The following CLIC5 variants were observed in gnomAD, a reference collection of about 807,000 sequenced individuals.
CLIC5 encodes chloride intracellular channel protein 5.
A neutral mutation model predicts 24.7 loss-of-function variants in CLIC5; 20 were observed. The observed-to-expected ratio is 0.81, with a 90% CI of 0.57 to 1.18. The LOEUF is 1.18. Among genes scored for constraint, CLIC5 ranks in the 50% most tolerant of loss-of-function variants. The probability of loss-of-function intolerance (pLI) is 0.00; values close to 1 mark genes in which losing one functional copy is unlikely to be tolerated. For synonymous variants in CLIC5, 159 were observed against 135.6 expected, an observed-to-expected ratio of 1.17 and a Z score of -1.20; for missense variants, 341 against 326.1, an observed-to-expected ratio of 1.05 and a Z score of -0.35.
the CLIC5 span, among the ~76,000 whole-genome samples, chr6:46,126,059 G>C: frequency 6.6e-6 from 1 of 152,080 alleles, no homozygotes; most frequent in Non-Finnish European, 1.5e-5. Flanking sequence ...TTGCTTTTCT[G>C]ATTTTAGGAT....
intron 1 of CLIC5, among the ~76,000 whole-genome samples, chr6:46,004,815 C>T (rs1250396541): frequency 1.3e-5 from 2 of 152,142 alleles, no homozygotes; most frequent in Non-Finnish European, 1.5e-5. Flanking sequence ...GTGGGGAAGC[C>T]CTGCCCAGAA....
chr6:45,938,524 G>A (rs755879439), intron 4 of CLIC5, among the ~76,000 whole-genome samples: 13 of 152,194 alleles, frequency 8.5e-5, no homozygotes, highest in Non-Finnish European at 1.3e-4. Flanking sequence ...TGGGAAAGCA[G>A]CAATGTTGGA....
chr6:45,989,656 T>A (rs1340736998), intron 1 of CLIC5, among the ~76,000 whole-genome samples: 1 of 152,202 alleles, frequency 6.6e-6, no homozygotes, highest in East Asian at 1.9e-4. Flanking sequence ...AGTGGTTCTG[T>A]TTTGTAAATA....
chr6:46,108,348 T>G, the CLIC5 span, among the ~76,000 whole-genome samples: 5 of 151,300 alleles, frequency 3.3e-5, no homozygotes, highest in Non-Finnish European at 5.9e-5. Context: ...AGAGATTTTG[T>G]TTGCCTCTTT....
intron 6 of CLIC5, among the ~76,000 whole-genome samples, chr6:45,885,290 T>G (rs1044348511): frequency 2.0e-5 from 3 of 152,166 alleles, no homozygotes; most frequent in African/African-American, 4.8e-5. Flanking sequence ...AGCCTTCCAC[T>G]ACCTGGAAGA....
chr6:46,007,788 G>A (rs982469759), intron 1 of CLIC5, among the ~76,000 whole-genome samples: 17 of 151,664 alleles, frequency 1.1e-4, no homozygotes, highest in African/African-American at 4.1e-4. Flanking sequence ...TTTTATGAAT[G>A]TTGATCACAT....
chr6:45,960,806 G>A (rs781483474), intron 1 of CLIC5, among the ~76,000 whole-genome samples: 1 of 152,134 alleles, frequency 6.6e-6, no homozygotes, highest in Non-Finnish European at 1.5e-5. Context: ...CTGAACTCTG[G>A]GGAGTGGGCT....
intron 1 of CLIC5, 73 bp downstream of exon 1, chr6:46,015,407 G>C: frequency 7.1e-7 from 1 of 1,407,324 alleles, no homozygotes; most frequent in Non-Finnish European, 9.4e-7. Context: ...GGAGTCCAGC[G>C]CACCCCGAGC....
intron 4 of CLIC5, among the ~76,000 whole-genome samples, chr6:45,932,258 G>A (rs1469568239): frequency 2.0e-5 from 3 of 152,130 alleles, no homozygotes; most frequent in African/African-American, 7.2e-5. Context: ...ATAGGCACAT[G>A]CCCCCACGAC....
chr6:46,070,848 A>G lies in CLIC5; in HGVS notation c.540+8855T>C, dbSNP rs527695077. On this transcript the variant is annotated intron_variant, in intron 1 of 5. Transcript: ENST00000185206. Reference sequence around the variant, plus strand: ...AATATACACAAGGCTACAGTAACCCAAACAGCATGGTATTGATACAAAAAC... The same window carrying G: ...AATATACACAAGGCTACAGTAACCCGAACAGCATGGTATTGATACAAAAAC... Among the ~76,000 whole-genome samples, 164 of 152,288 alleles carry G rather than the reference A, an allele frequency of 1.1e-3. 1 individual carries two copies. Among genetic ancestry groups the G allele is most frequent in the African/African-American group, 3.8e-3 (159 of 41,564 alleles).
intron 5 of CLIC5, among the ~76,000 whole-genome samples, chr6:45,911,050 G>T (rs531589616): frequency 1.4e-3 from 209 of 152,250 alleles, no homozygotes; most frequent in African/African-American, 4.8e-3. Context: ...TTGGACCCTG[G>T]CACCAGCTGA....
At chr6:46,004,332 C>G (rs1022512315) in intron 1 of CLIC5, among the ~76,000 whole-genome samples, 1 of 152,170 alleles carries the variant, frequency 6.6e-6, no homozygotes, top group Non-Finnish European at 1.5e-5. Flanking sequence ...GATGACACTT[C>G]CCAGCTTCCC....
chr6:46,052,990 T>C (rs1462072110), intron 1 of CLIC5, among the ~76,000 whole-genome samples: 6 of 152,082 alleles, frequency 3.9e-5, no homozygotes, highest in Admixed American at 3.3e-4. Flanking sequence ...ATCAGAGTTA[T>C]TAAAAATTAA....
intron 1 of CLIC5, among the ~76,000 whole-genome samples, chr6:46,059,534 A>C (rs1305680454): frequency 6.6e-6 from 1 of 152,190 alleles, no homozygotes; most frequent in Non-Finnish European, 1.5e-5. Flanking sequence ...AGTGATAGTA[A>C]ATTCAACTGT....
chr6:46,002,524 C>T (rs1157433086), intron 1 of CLIC5, among the ~76,000 whole-genome samples: 1 of 152,178 alleles, frequency 6.6e-6, no homozygotes, highest in Non-Finnish European at 1.5e-5. Flanking sequence ...GCATGCAATA[C>T]TCCTGGTCTC....
At chr6:46,031,957 C>A (rs1767515578) in intron 1 of CLIC5, among the ~76,000 whole-genome samples, 1 of 148,170 alleles carries the variant, frequency 6.7e-6, no homozygotes, top group South Asian at 2.1e-4. Flanking sequence ...CACACACACA[C>A]AACAAATATA....
chr6:45,986,751 G>A (rs936761829), intron 1 of CLIC5, among the ~76,000 whole-genome samples: 22 of 140,366 alleles, frequency 1.6e-4, no homozygotes, highest in Non-Finnish European at 2.6e-4. Flanking sequence ...CATTCACTGG[G>A]TGGAGACCCT....
At chr6:45,906,450 ATATTT>A (rs1223559985) in intron 5 of CLIC5, among the ~76,000 whole-genome samples, 3 of 151,860 alleles carry the variant, frequency 2.0e-5, no homozygotes, top group Admixed American at 6.6e-5. Context: ...GTAGTCCTAG[ATATTT>A]TATTTTATTT....
chr6:46,105,640 C>T, the CLIC5 span, among the ~76,000 whole-genome samples: 1 of 152,214 alleles, frequency 6.6e-6, no homozygotes, highest in Admixed American at 6.5e-5. Context: ...CACTCACCCC[C>T]TTTTGAAGTC....
Sources: allele counts gnomAD v4.1 joint callset (sites outside exome capture counted in the v4.1 genomes callset), GRCh38; gene constraint gnomAD v4.1.1; transcripts MANE v1.5; gene names NCBI Gene and HGNC (gene_info 2026-07-23, HGNC 2026-07-21).